MAML2: variants seen among roughly 807,000 people sequenced by gnomAD.
The protein encoded by MAML2 is mastermind-like protein 2.
In MAML2, 22 loss-of-function variants were observed where a neutral mutation model predicts 96.1. The observed-to-expected ratio is 0.23, with a 90% CI of 0.16 to 0.33. MAML2 has a LOEUF of 0.33. Ranked by LOEUF, MAML2 falls within the 10% of genes least tolerant of loss-of-function variation. The pLI, the probability that MAML2 is intolerant of heterozygous loss-of-function variation, is 1.00. For synonymous variants in MAML2, 561 were observed against 521.3 expected, an observed-to-expected ratio of 1.08 and a Z score of -1.04; for missense variants, 1,367 against 1,392.4, an observed-to-expected ratio of 0.98 and a Z score of 0.29.
intron 1 of MAML2, among the ~76,000 whole-genome samples, chr11:96,305,304 C>T (rs958948543): frequency 2.0e-5 from 3 of 152,128 alleles, no homozygotes; most frequent in Admixed American, 2.0e-4. Context: ...TTATCAGAGC[C>T]CACAGAATAC....
At chr11:96,143,952 T>C (rs1398271334) in intron 1 of MAML2, among the ~76,000 whole-genome samples, 2 of 152,250 alleles carry the variant, frequency 1.3e-5, no homozygotes, top group African/African-American at 2.4e-5. Flanking sequence ...AACACCTCAC[T>C]GCAGTGTTTG....
At chr11:95,991,133 T>C (rs568372159) in intron 3 of MAML2, among the ~76,000 whole-genome samples, 90 of 152,334 alleles carry the variant, frequency 5.9e-4, no homozygotes, top group African/African-American at 1.9e-3. Flanking sequence ...CTTTTAAAAT[T>C]GCTTTTGAAA....
At chr11:96,328,657 G>T (rs960773541) in intron 1 of MAML2, among the ~76,000 whole-genome samples, 10 of 152,082 alleles carry the variant, frequency 6.6e-5, no homozygotes, top group African/African-American at 2.4e-4. Context: ...AAATTCTTTA[G>T]ATTTAATATC....
chr11:96,010,596 G>A (rs1858251525), intron 2 of MAML2, among the ~76,000 whole-genome samples: 1 of 152,168 alleles, frequency 6.6e-6, no homozygotes, highest in Non-Finnish European at 1.5e-5. Context: ...GATGAGTTAA[G>A]AATAGTGGCG....
intron 1 of MAML2, among the ~76,000 whole-genome samples, chr11:96,245,256 A>C (rs541792837): frequency 1.4e-5 from 2 of 145,706 alleles, no homozygotes; most frequent in African/African-American, 5.1e-5. Context: ...CATGCTTAGC[A>C]TGCACACTTT....
chr11:96,042,682 G>GA (rs1209849388), intron 2 of MAML2, among the ~76,000 whole-genome samples: 1 of 151,026 alleles, frequency 6.6e-6, no homozygotes, highest in Middle Eastern at 3.2e-3. Context: ...TTTACCTAAT[G>GA]TCACAAAGCT....
intron 1 of MAML2, among the ~76,000 whole-genome samples, chr11:96,097,829 G>A (rs74953833): frequency 0.024 from 3,701 of 152,234 alleles, 156 homozygotes; most frequent in African/African-American, 0.083. Flanking sequence ...GTAAGTCCTT[G>A]TTTAATCTCA....
At chr11:96,145,748 T>TACCCAG (rs1860804960) in intron 1 of MAML2, among the ~76,000 whole-genome samples, 2 of 152,164 alleles carry the variant, frequency 1.3e-5, no homozygotes, top group African/African-American at 4.8e-5. Flanking sequence ...TGGCTCATGC[T>TACCCAG]TGTAATCCCA....
intron 1 of MAML2, among the ~76,000 whole-genome samples, chr11:96,204,023 G>C (rs1195707813): frequency 6.6e-6 from 1 of 152,072 alleles, no homozygotes; most frequent in African/African-American, 2.4e-5. Context: ...GGGATACAGC[G>C]GGAACCCAGG....
intron 1 of MAML2, among the ~76,000 whole-genome samples, chr11:96,153,637 T>C (rs370722129): frequency 6.6e-6 from 1 of 151,798 alleles, no homozygotes; most frequent in East Asian, 1.9e-4. Flanking sequence ...AGTGGCTGGG[T>C]GTGGTGGCTC....
intron 2 of MAML2, among the ~76,000 whole-genome samples, chr11:96,006,855 T>G (rs960635335): frequency 7.7e-5 from 11 of 142,130 alleles, no homozygotes; most frequent in Non-Finnish European, 1.7e-4. Context: ...CCACCACGCC[T>G]GGCCAGGAAT....
At chr11:96,083,140 T>A (rs1224739421) in intron 2 of MAML2, among the ~76,000 whole-genome samples, 1 of 152,220 alleles carries the variant, frequency 6.6e-6, no homozygotes, top group African/African-American at 2.4e-5. Flanking sequence ...GACATTCTGA[T>A]GTCGGTAGGA....
intron 1 of MAML2, among the ~76,000 whole-genome samples, chr11:96,245,622 G>A (rs1426843918): frequency 1.3e-5 from 2 of 151,722 alleles, no homozygotes; most frequent in Non-Finnish European, 2.9e-5. Flanking sequence ...TTGCTGACTT[G>A]CTTCAATATG....
intron 1 of MAML2, among the ~76,000 whole-genome samples, chr11:96,283,646 C>A (rs956785403): frequency 6.6e-6 from 1 of 152,148 alleles, no homozygotes; most frequent in African/African-American, 2.4e-5. Flanking sequence ...AAGTCATGAA[C>A]CCACTAGACC....
intron 1 of MAML2, among the ~76,000 whole-genome samples, chr11:96,107,078 T>C (rs1404026080): frequency 6.7e-6 from 1 of 150,296 alleles, no homozygotes; most frequent in Non-Finnish European, 1.5e-5. Flanking sequence ...CTCTATTATT[T>C]GTGCCCCTGA....
At chr11:95,984,356 T>C (rs1857791458) in intron 4 of MAML2, among the ~76,000 whole-genome samples, 1 of 152,204 alleles carries the variant, frequency 6.6e-6, no homozygotes, top group Admixed American at 6.5e-5. Flanking sequence ...AACTGCATCT[T>C]ATCTTTCAGC....
chr11:96,179,463 T>G (rs1455322468), intron 1 of MAML2, among the ~76,000 whole-genome samples: 2 of 152,332 alleles, frequency 1.3e-5, no homozygotes, highest in Admixed American at 6.5e-5. Context: ...GATTTCTGTT[T>G]CTTCCCTCTC....
intron 1 of MAML2, among the ~76,000 whole-genome samples, chr11:96,166,497 G>T (rs1861197614): frequency 6.6e-6 from 1 of 152,220 alleles, no homozygotes; most frequent in Admixed American, 6.5e-5. Flanking sequence ...CACAGTGGAA[G>T]TTAGAAGAAA....
intron 2 of MAML2, among the ~76,000 whole-genome samples, chr11:96,002,957 G>C (rs901539857): frequency 1.5e-4 from 21 of 141,944 alleles, no homozygotes; most frequent in African/African-American, 5.5e-4. Flanking sequence ...AAGGATGATG[G>C]CGATGATGAA....
Sources: gnomAD v4.1 joint callset for allele counts (sites outside exome capture counted in the v4.1 genomes callset) on GRCh38, gnomAD v4.1.1 for gene constraint, MANE v1.5 for transcripts, NCBI Gene and HGNC (gene_info 2026-07-23, HGNC 2026-07-21) for gene names.